SIPA1L3: variants seen among roughly 807,000 people sequenced by gnomAD.
SIPA1L3 encodes signal-induced proliferation-associated 1-like protein 3.
In SIPA1L3, 59 loss-of-function variants were observed where a neutral mutation model predicts 150.1. The ratio of observed to expected loss-of-function variants is 0.39; its 90% confidence interval spans 0.32 to 0.49. The LOEUF is 0.49. SIPA1L3 is among the 20% of genes least tolerant of loss of function. SIPA1L3 has a pLI of 0.86. For synonymous variants in SIPA1L3, 1,070 were observed against 1,077.6 expected, an observed-to-expected ratio of 0.99 and a Z score of 0.14; for missense variants, 2,211 against 2,489.5, an observed-to-expected ratio of 0.89 and a Z score of 2.38.
At chr19:38,088,350 G>A (rs974750501) in intron 3 of SIPA1L3, among the ~76,000 whole-genome samples, 4 of 152,226 alleles carry the variant, frequency 2.6e-5, no homozygotes, top group Non-Finnish European at 4.4e-5. Context: ...TTGCAAACAC[G>A]GGATTAATCG....
intron 1 of SIPA1L3, among the ~76,000 whole-genome samples, chr19:37,935,217 A>G (rs2046590061): frequency 6.6e-6 from 1 of 152,208 alleles, no homozygotes; most frequent in Non-Finnish European, 1.5e-5. Context: ...TAATTAATAG[A>G]TTCATCACAC....
chr19:37,908,371 A>G (rs970982830), intron 1 of SIPA1L3, among the ~76,000 whole-genome samples: 4 of 152,188 alleles, frequency 2.6e-5, no homozygotes, highest in Non-Finnish European at 5.9e-5. Context: ...GCTCTTATGT[A>G]TTATAATTGT....
At position 37,972,452 on chromosome 19, in the gene SIPA1L3, C is replaced by T. The variant is rs546662095; in HGVS notation, c.-378-56637C>T. On this transcript the variant is annotated intron_variant, in intron 1 of 21. Transcript: ENST00000222345. The stretch of plus-strand genomic sequence containing the variant: ...GTGTGGTGGCTCATGCCTGTAATCC[C>T]TGTGCTTTGAGAGGCTAAGGTGGGA... 4.6e-5 allele frequency among the ~76,000 whole-genome samples: 7 copies of T among 152,198 alleles called. No individual in the cohort carries two copies. The South Asian group carries it at 1.4e-3, about 32-fold the overall frequency.
intron 13 of SIPA1L3, among the ~76,000 whole-genome samples, chr19:38,159,669 G>A (rs962416553): frequency 1.3e-5 from 2 of 152,258 alleles, no homozygotes; most frequent in African/African-American, 4.8e-5. Flanking sequence ...GTCCTGCCTG[G>A]CCCTTTCCCA....
chr19:37,959,979 A>G (rs1470846340), intron 1 of SIPA1L3, among the ~76,000 whole-genome samples: 1 of 151,776 alleles, frequency 6.6e-6, no homozygotes, highest in African/African-American at 2.4e-5. Context: ...TATTATTGTC[A>G]CATGTTACAA....
At position 38,081,505 on chromosome 19, in the gene SIPA1L3, G is replaced by T. The variant is rs1950851530; in HGVS notation, c.-61G>T. On this transcript the variant is annotated 5_prime_UTR_variant, in exon 3 of 22. Transcript: ENST00000222345. Reference sequence around the variant, plus strand: ...GCCCTGAACAATGGCTGAGGGCTGGGGGACCCCATAGAGTGACACCACAGC... The same window carrying T: ...GCCCTGAACAATGGCTGAGGGCTGGTGGACCCCATAGAGTGACACCACAGC... 6.8e-7 allele frequency: 1 copy of T among 1,473,034 alleles called. No individual in the cohort carries two copies. Among genetic ancestry groups the T allele is most frequent in the Non-Finnish European group, 9.1e-7 (1 of 1,095,726 alleles). 91.2% of individuals were successfully genotyped at this position (1,473,034 alleles called of 1,614,324 possible). A position where few individuals can be genotyped will look rare whatever the true frequency, so the allele number is the denominator to read the frequency against.
intron 9 of SIPA1L3, among the ~76,000 whole-genome samples, chr19:38,127,803 T>C (rs1971210011): frequency 6.6e-6 from 1 of 152,118 alleles, no homozygotes; most frequent in South Asian, 2.1e-4. Context: ...GGCACTGCAC[T>C]CAGCCCGAGT....
In SIPA1L3 at chr19:38,056,789, C is replaced by T. The variant is rs572109914; in HGVS notation, c.-310-24467C>T. Among the ~76,000 whole-genome samples the T allele has an allele frequency of 1.5e-3, 233 of 152,270 alleles. 2 individuals carry two copies. Among genetic ancestry groups the T allele is most frequent in the African/African-American group, 5.4e-3 (223 of 41,542 alleles). ...TGAAAAAATATGGAAAGGGGCCAGG[C>T]GTGGTGGCCCACACCTGTAATTCCA... On this transcript the variant is annotated intron_variant, in intron 2 of 21. Transcript: ENST00000222345.
chr19:38,016,248 G>A (rs997522942), intron 1 of SIPA1L3, among the ~76,000 whole-genome samples: 3 of 152,198 alleles, frequency 2.0e-5, no homozygotes, highest in Non-Finnish European at 4.4e-5. Flanking sequence ...ATAGGGTTCT[G>A]TTACCACCCC....
At chr19:37,936,060 C>T (rs1020124198) in intron 1 of SIPA1L3, among the ~76,000 whole-genome samples, 1 of 152,132 alleles carries the variant, frequency 6.6e-6, no homozygotes, top group South Asian at 2.1e-4. Context: ...CTACCTCCAG[C>T]CTGATATCCT....
At chr19:38,130,907 A>G in intron 10 of SIPA1L3, 135 bp downstream of exon 10, 1 of 940,538 alleles carries the variant, frequency 1.1e-6, no homozygotes, top group Non-Finnish European at 1.6e-6. Flanking sequence ...AATAGTGGCA[A>G]CAGTGACAGG....
intron 1 of SIPA1L3, among the ~76,000 whole-genome samples, chr19:37,909,014 T>C (rs1281118522): frequency 6.6e-6 from 1 of 152,182 alleles, no homozygotes; most frequent in Non-Finnish European, 1.5e-5. Flanking sequence ...CTGAACTCCT[T>C]CTCCTCCTGG....
intron 1 of SIPA1L3, among the ~76,000 whole-genome samples, chr19:37,922,555 G>A (rs867286506): frequency 1.6e-4 from 24 of 151,736 alleles, no homozygotes; most frequent in South Asian, 4.2e-4. Context: ...CACCGCACCC[G>A]GCTAATTTTT....
At position 38,208,078 on chromosome 19, in the gene SIPA1L3, C is replaced by T. The variant is rs951475799; in HGVS notation, c.*1838C>T. Reference sequence around the variant, plus strand: ...TGTCTCCTCCCATCTTCAGATCATTCGAATCATTTTGGGGACTTAATCATG... The same window carrying T: ...TGTCTCCTCCCATCTTCAGATCATTTGAATCATTTTGGGGACTTAATCATG... On this transcript the variant is annotated 3_prime_UTR_variant, in exon 22 of 22. Coordinates refer to ENST00000222345, the MANE Select transcript of SIPA1L3 (RefSeq NM_015073.3). 2.8e-4 allele frequency: 36 copies of T among 128,518 alleles called. No individual in the cohort carries two copies. Among genetic ancestry groups the T allele is most frequent in the East Asian group, 1.8e-3 (7 of 3,928 alleles). The allele number at this position is 128,518 out of a possible 1,614,324, so 8.0% of individuals were successfully genotyped here.
intron 3 of SIPA1L3, among the ~76,000 whole-genome samples, chr19:38,084,703 G>C: frequency 6.8e-6 from 1 of 146,502 alleles, no homozygotes; most frequent in East Asian, 2.0e-4. Context: ...ACAGTGGCGC[G>C]ATCTCAGCTC....
At chr19:38,201,240 A>T (rs1483417362) in intron 19 of SIPA1L3, among the ~76,000 whole-genome samples, 2 of 152,212 alleles carry the variant, frequency 1.3e-5, no homozygotes, top group Non-Finnish European at 2.9e-5. Flanking sequence ...CCATTACAGG[A>T]AGAAAATCTA....
intron 1 of SIPA1L3, among the ~76,000 whole-genome samples, chr19:38,011,645 G>T (rs989721708): frequency 6.6e-6 from 1 of 152,198 alleles, no homozygotes; most frequent in South Asian, 2.1e-4. Flanking sequence ...AAATTGGAAG[G>T]TCAAGGCAGC....
chr19:38,088,490 G>A (rs545929697), intron 3 of SIPA1L3, among the ~76,000 whole-genome samples: 3 of 152,344 alleles, frequency 2.0e-5, no homozygotes, highest in Admixed American at 2.0e-4. Context: ...AGATGAGAGC[G>A]CTGAGGCTCA....
chr19:38,205,710 C>A (rs899428271), intron 21 of SIPA1L3, among the ~76,000 whole-genome samples: 1 of 152,184 alleles, frequency 6.6e-6, no homozygotes, highest in Non-Finnish European at 1.5e-5. Context: ...CCCAGCTCCC[C>A]ACTTGCTGTG....
Sources: allele counts gnomAD v4.1 joint callset (sites outside exome capture counted in the v4.1 genomes callset), GRCh38; gene constraint gnomAD v4.1.1; transcripts MANE v1.5; gene names NCBI Gene and HGNC (gene_info 2026-07-23, HGNC 2026-07-21).